Variants in NAPB observed in about 807,000 individuals in gnomAD.
NAPB encodes the protein beta-soluble NSF attachment protein.
In NAPB, 26 loss-of-function variants were observed where a neutral mutation model predicts 44.7. The observed-to-expected ratio is 0.58, with a 90% CI of 0.43 to 0.81. The LOEUF is 0.81. NAPB is among the 30% of genes least tolerant of loss of function. The pLI is 0.00. For synonymous variants in NAPB, 120 were observed against 116.8 expected, an observed-to-expected ratio of 1.03 and a Z score of -0.18; for missense variants, 315 against 356.4, an observed-to-expected ratio of 0.88 and a Z score of 0.94.
chr20:23,385,993 A>T (rs1983488965), intron 7 of NAPB, among the ~76,000 whole-genome samples: 1 of 152,198 alleles, frequency 6.6e-6, no homozygotes, highest in Non-Finnish European at 1.5e-5. Context: ...CAAAGGAATT[A>T]AAAATAAGTC....
rs1985765925 is a variant in NAPB, at chr20:23,413,020, TG to T, written c.98+8284del. Among the ~76,000 whole-genome samples, 2 of 151,882 alleles carry T rather than the reference TG, an allele frequency of 1.3e-5. 1 individual carries two copies. Among genetic ancestry groups the T allele is most frequent in the South Asian group, 4.1e-4 (2 of 4,834 alleles). On this transcript the variant is annotated intron_variant, in intron 1 of 10. Coordinates refer to ENST00000377026, the MANE Select transcript of NAPB (RefSeq NM_022080.3). ...AAATAAAGTGTACATGGGTGCTGGG[TG>T]CAGGTGGCTCATGCCTATGATCCCA...
chr20:23,396,335 T>C (rs1345128256), intron 3 of NAPB, among the ~76,000 whole-genome samples: 1 of 152,224 alleles, frequency 6.6e-6, no homozygotes, highest in Non-Finnish European at 1.5e-5. Context: ...AAACTGTGAT[T>C]AACCCTTATA....
chr20:23,409,289 A>T (rs1196847460), intron 1 of NAPB, among the ~76,000 whole-genome samples: 1 of 152,230 alleles, frequency 6.6e-6, no homozygotes, highest in East Asian at 1.9e-4. Context: ...AGATTCTCAA[A>T]CAGAGAAAAT....
chr20:23,404,362 C>T (rs1933540121), intron 1 of NAPB, among the ~76,000 whole-genome samples: 1 of 152,120 alleles, frequency 6.6e-6, no homozygotes, highest in African/African-American at 2.4e-5. Context: ...AACACATGTA[C>T]ATGAAAGAGT....
chr20:23,379,760 G>A, intron 9 of NAPB, 107 bp downstream of exon 9: 1 of 835,736 alleles, frequency 1.2e-6, no homozygotes, highest in Non-Finnish European at 1.9e-6. Context: ...GGGCCCCTCA[G>A]TTAGCAGACT....
intron 7 of NAPB, among the ~76,000 whole-genome samples, chr20:23,382,932 A>G (rs1052290634): frequency 2.6e-5 from 4 of 152,192 alleles, no homozygotes; most frequent in Non-Finnish European, 5.9e-5. Context: ...AGGCAGGCGA[A>G]CCACTTGAGG....
intron 1 of NAPB, 25 bp downstream of exon 1, chr20:23,421,280 A>G (rs1487606070): frequency 6.2e-6 from 8 of 1,289,332 alleles, no homozygotes; most frequent in Non-Finnish European, 7.5e-6. Flanking sequence ...CCCCCCCCCC[A>G]GGGCACGCAC....
intron 1 of NAPB, among the ~76,000 whole-genome samples, chr20:23,408,479 A>C (rs2123240785): frequency 6.6e-6 from 1 of 152,312 alleles, no homozygotes; most frequent in African/African-American, 2.4e-5. Flanking sequence ...AAAATTCAAA[A>C]TCTGTCTGAA....
At chr20:23,387,892 T>C (rs890277805) in intron 7 of NAPB, among the ~76,000 whole-genome samples, 5 of 152,170 alleles carry the variant, frequency 3.3e-5, no homozygotes, top group Admixed American at 6.5e-5. Flanking sequence ...AGTGTGTCTG[T>C]GGGGTGTTTC....
At chr20:23,395,509 C>T (rs1984294347) in intron 3 of NAPB, among the ~76,000 whole-genome samples, 1 of 152,216 alleles carries the variant, frequency 6.6e-6, no homozygotes. Flanking sequence ...TTGTCACCAA[C>T]ACTGATAAAT....
chr20:23,390,747 C>CA (rs147584474), intron 5 of NAPB, among the ~76,000 whole-genome samples: 3,081 of 152,322 alleles, frequency 0.02, 84 homozygotes, highest in African/African-American at 0.071. Flanking sequence ...AAGGTACCTC[C>CA]AACCCCAGTG....
At chr20:23,388,445 A>T (rs1288380088) in intron 7 of NAPB, among the ~76,000 whole-genome samples, 1 of 152,200 alleles carries the variant, frequency 6.6e-6, no homozygotes, top group African/African-American at 2.4e-5. Context: ...AGGGATCTGG[A>T]ATAGCCAAAA....
At chr20:23,395,238 G>C (rs1014869967) in intron 3 of NAPB, 53 bp from the exon 4 acceptor site, 8 of 1,591,610 alleles carry the variant, frequency 5.0e-6, no homozygotes, top group Non-Finnish European at 6.9e-6. Flanking sequence ...AGTCAAAGAG[G>C]GTTCAGGTGA....
intron 2 of NAPB, among the ~76,000 whole-genome samples, chr20:23,402,225 T>C (rs1313276640): frequency 1.3e-5 from 2 of 152,124 alleles, no homozygotes; most frequent in African/African-American, 2.4e-5. Flanking sequence ...CCACTTCCAA[T>C]CCCACAGCAG....
chr20:23,390,232 A>G lies in NAPB; in HGVS notation c.453T>C (p.Tyr151=), dbSNP rs1983847838. Reference sequence around the variant, plus strand: ...GCCTGTTGGATTCTTCTCCTTTGTAATAATCAGCAGATTGTTCATAATGTG... The same window carrying G: ...GCCTGTTGGATTCTTCTCCTTTGTAGTAATCAGCAGATTGTTCATAATGTG... The part of the protein sequence containing the change: ...AIAHYEQSAD[Y]YKGEESNSSA... Residue 151 remains tyrosine (Y), a synonymous_variant, in exon 6 of 11, where the codon TAT becomes TAC. Coordinates refer to ENST00000377026, the MANE Select transcript of NAPB (RefSeq NM_022080.3). The G allele has an allele frequency of 4.3e-6, 7 of 1,611,606 alleles. No individual in the cohort carries two copies. The highest frequency in any genetic ancestry group is 5.9e-6 in the Non-Finnish European group (7 of 1,177,718).
intron 1 of NAPB, among the ~76,000 whole-genome samples, chr20:23,412,957 T>G (rs1985760084): frequency 6.6e-6 from 1 of 152,054 alleles, no homozygotes; most frequent in Non-Finnish European, 1.5e-5. Context: ...ACCACTGTAC[T>G]CCAGCCTGGG....
chr20:23,420,135 C>A (rs1021768940), intron 1 of NAPB, among the ~76,000 whole-genome samples: 1 of 152,158 alleles, frequency 6.6e-6, no homozygotes, highest in East Asian at 1.9e-4. Context: ...CCTTTCTCAT[C>A]CTAAACAGCT....
intron 2 of NAPB, among the ~76,000 whole-genome samples, chr20:23,402,516 T>C (rs1036773971): frequency 3.3e-5 from 5 of 152,088 alleles, no homozygotes; most frequent in Non-Finnish European, 7.4e-5. Context: ...CAAACCCCAC[T>C]TTCAGTTCTC....
At chr20:23,398,854 A>AATT (rs1984594168) in intron 2 of NAPB, among the ~76,000 whole-genome samples, 11 of 90,422 alleles carry the variant, frequency 1.2e-4, no homozygotes, top group African/African-American at 4.8e-4. Flanking sequence ...CAAAAAAAAA[A>AATT]TTTTTTTTTT....
Sources: gnomAD v4.1 joint callset for allele counts (sites outside exome capture counted in the v4.1 genomes callset) on GRCh38, gnomAD v4.1.1 for gene constraint, MANE v1.5 for transcripts, NCBI Gene and HGNC (gene_info 2026-07-23, HGNC 2026-07-21) for gene names.